Variants in PHEX observed in about 807,000 individuals in gnomAD.
PHEX encodes the protein phosphate-regulating neutral endopeptidase PHEX.
Under a neutral mutation model 68.0 loss-of-function variants are expected in PHEX, and 16 were observed. That is an observed-to-expected ratio of 0.24 (90% CI 0.16 to 0.36). The LOEUF (loss-of-function observed/expected upper bound fraction) is 0.36. PHEX is among the 10% of genes least tolerant of loss of function. The probability of loss-of-function intolerance (pLI) is 1.00; values close to 1 mark genes in which losing one functional copy is unlikely to be tolerated. For missense variants in PHEX, 480 were observed against 575.5 expected (o/e 0.83, Z 1.70); for synonymous variants, 208 against 205.1 (o/e 1.01, Z -0.12).
chrX:22,163,484 T>C (rs994456152), intron 12 of PHEX: 8 of 111,593 alleles, frequency 7.2e-5, no homozygotes, highest in African/African-American at 2.6e-4. Flanking sequence ...GATCAGCAGC[T>C]GCGTAAACCT....
intron 3 of PHEX, among the ~76,000 whole-genome samples, chrX:22,066,292 G>A (rs1380755191): frequency 8.9e-6 from 1 of 112,140 alleles, no homozygotes; most frequent in African/African-American, 3.2e-5. Context: ...GCCCCATCAT[G>A]TTGATCTATT....
chrX:22,214,470 T>C (rs1007368042), intron 16 of PHEX, among the ~76,000 whole-genome samples: 27 of 112,509 alleles, frequency 2.4e-4, no homozygotes, highest in African/African-American at 8.7e-4. Flanking sequence ...AGGCCATTAT[T>C]CCACCTACCA....
intron 12 of PHEX, among the ~76,000 whole-genome samples, chrX:22,149,938 A>C (rs759585012): frequency 9.0e-6 from 1 of 111,704 alleles, no homozygotes; most frequent in East Asian, 2.8e-4. Context: ...AAAATGACAG[A>C]ATAGAAAAGG....
chrX:22,083,094 G>C (rs1446675750), intron 5 of PHEX, among the ~76,000 whole-genome samples: 1 of 111,874 alleles, frequency 8.9e-6, no homozygotes, highest in Non-Finnish European at 1.9e-5. Context: ...ACAAGCAATG[G>C]GTAAAGGACT....
At chrX:22,111,181 C>G in intron 9 of PHEX, among the ~76,000 whole-genome samples, 1 of 112,379 alleles carries the variant, frequency 8.9e-6, no homozygotes, top group African/African-American at 3.2e-5. Context: ...GGCTGTGTAA[C>G]AGTGGACTTT....
In PHEX at chrX:22,077,642, T is replaced by C; in HGVS notation, c.603T>C (p.Ser201=). Residue 201 remains serine (S), a synonymous_variant, in exon 5 of 22, where the codon TCT becomes TCC. Coordinates refer to ENST00000379374, the MANE Select transcript of PHEX (RefSeq NM_000444.6). ...LATFRGQYSN[S]VFIRLYVSPD... The stretch of plus-strand genomic sequence containing the variant: ...CGTTTCGTGGTCAATACAGCAATTC[T>C]GTGTTCATCCGTTTGTATGTGTCCC... The C allele has an allele frequency of 8.3e-7, 1 of 1,211,232 alleles. No homozygotes were observed. Among genetic ancestry groups the C allele is most frequent in the Non-Finnish European group, 1.1e-6 (1 of 895,050 alleles).
chrX:22,101,922 A>G (rs1218044904), intron 9 of PHEX, among the ~76,000 whole-genome samples: 1 of 111,323 alleles, frequency 9.0e-6, no homozygotes, highest in Non-Finnish European at 1.9e-5. Context: ...CCTCTATGAC[A>G]CTGTGAGCAC....
At chrX:22,189,333 C>G (rs1934125486) in intron 14 of PHEX, among the ~76,000 whole-genome samples, 4 of 112,280 alleles carry the variant, frequency 3.6e-5, no homozygotes, top group Admixed American at 2.8e-4. Context: ...ATTTTTAGTT[C>G]TTTGAGGAAC....
chrX:22,241,520 C>T (rs191945781), intron 20 of PHEX, among the ~76,000 whole-genome samples: 130 of 110,669 alleles, frequency 1.2e-3, no homozygotes, highest in African/African-American at 4.1e-3. Flanking sequence ...CAAAATAGAC[C>T]ACTAGCCAGA....
chrX:22,047,714 C>G (rs1230276275), intron 3 of PHEX, among the ~76,000 whole-genome samples: 1 of 111,669 alleles, frequency 9.0e-6, no homozygotes, highest in Non-Finnish European at 1.9e-5. Flanking sequence ...CCCATGGCCA[C>G]TCTAGCAATG....
At chrX:22,148,894 GT>G (rs1932779367) in intron 12 of PHEX, among the ~76,000 whole-genome samples, 1 of 111,193 alleles carries the variant, frequency 9.0e-6, no homozygotes, top group Non-Finnish European at 1.9e-5. Context: ...CCTAATCATT[GT>G]TGAACTGTGA....
chrX:22,106,204 C>T (rs1930678477), intron 9 of PHEX, among the ~76,000 whole-genome samples: 1 of 111,405 alleles, frequency 9.0e-6, no homozygotes, highest in Non-Finnish European at 1.9e-5. Flanking sequence ...CTGTTCCTGG[C>T]GTGGTAATAT....
intron 12 of PHEX, among the ~76,000 whole-genome samples, chrX:22,149,322 A>G (rs1932793301): frequency 8.9e-6 from 1 of 112,411 alleles, no homozygotes; most frequent in Admixed American, 9.4e-5. Context: ...GGCAGAGTGA[A>G]GCCGAGGACA....
chrX:22,090,565 G>A lies in PHEX; in HGVS notation c.732+68G>A, dbSNP rs138952285. 1.7e-3 allele frequency: 1,251 copies of A among 734,335 alleles called. 8 individuals are homozygous for A. In the African/African-American group the frequency reaches 0.022, roughly 13 times the overall value. 60.5% of individuals were successfully genotyped at this position (734,335 alleles called of 1,213,427 possible). A position where few individuals can be genotyped will look rare whatever the true frequency, so the allele number is the denominator to read the frequency against. ...TGTCAGGCCCATTAGTTCTAAGGCC[G>A]CTGCTTCTTTATTGGAAATGAGCAG... On this transcript the variant is annotated intron_variant, in intron 6 of 21. Transcript: ENST00000379374.
At chrX:22,100,298 A>C (rs1188630184) in intron 9 of PHEX, among the ~76,000 whole-genome samples, 1 of 111,878 alleles carries the variant, frequency 8.9e-6, no homozygotes, top group Non-Finnish European at 1.9e-5. Context: ...GGGGAGGCCA[A>C]GTAATCTTTA....
At chrX:22,090,022 T>C (rs1929809947) in intron 5 of PHEX, among the ~76,000 whole-genome samples, 1 of 112,258 alleles carries the variant, frequency 8.9e-6, no homozygotes, top group African/African-American at 3.2e-5. Flanking sequence ...GAACTGGTGA[T>C]AGGAGACAAC....
intron 20 of PHEX, among the ~76,000 whole-genome samples, chrX:22,232,276 C>G (rs1256003823): frequency 1.8e-5 from 2 of 111,020 alleles, no homozygotes; most frequent in African/African-American, 3.3e-5. Flanking sequence ...TCTGTAGATG[C>G]CTATTAGGTC....
chrX:22,176,399 AAAAATATATATAT>A (rs1281920671), intron 13 of PHEX, among the ~76,000 whole-genome samples: 37 of 64,808 alleles, frequency 5.7e-4, no homozygotes, highest in African/African-American at 3.6e-3. Flanking sequence ...AAAAAAAAAA[AAAAATATATATAT>A]ATATATATAT....
chrX:22,140,241 C>T (rs1283196793), intron 12 of PHEX, among the ~76,000 whole-genome samples: 2 of 110,465 alleles, frequency 1.8e-5, no homozygotes, highest in Non-Finnish European at 3.8e-5. Context: ...CACCATTTCT[C>T]GCAGGTGGGT....
Sources: gnomAD v4.1 joint callset for allele counts (sites outside exome capture counted in the v4.1 genomes callset) on GRCh38, gnomAD v4.1.1 for gene constraint, MANE v1.5 for transcripts, NCBI Gene and HGNC (gene_info 2026-07-23, HGNC 2026-07-21) for gene names.